IRAG2: variants seen among roughly 807,000 people sequenced by gnomAD.
The protein encoded by IRAG2 is inositol 1,4,5-triphosphate receptor associated 2, also known as lymphoid restricted membrane protein.
A neutral mutation model predicts 69.9 loss-of-function variants in IRAG2; 45 were observed. The observed-to-expected ratio is 0.64, with a 90% CI of 0.51 to 0.83. IRAG2 has a LOEUF of 0.83. Among genes scored for constraint, IRAG2 ranks in the 40% least tolerant of loss-of-function variants. IRAG2 has a pLI of 0.00. For missense variants in IRAG2, 520 were observed against 587.0 expected, an observed-to-expected ratio of 0.89 and a Z score of 1.18; for synonymous variants, 193 against 202.4, an observed-to-expected ratio of 0.95 and a Z score of 0.40.
intron 11 of IRAG2, 33 bp from the exon 12 acceptor site, chr12:25,089,581 T>G: frequency 7.2e-7 from 1 of 1,391,344 alleles, no homozygotes; most frequent in Non-Finnish European, 9.9e-7. Flanking sequence ...TCAAGCCTTT[T>G]TAACCAAATA....
intron 16 of IRAG2, among the ~76,000 whole-genome samples, chr12:25,039,597 A>AT (rs560920224): frequency 5.3e-5 from 8 of 151,972 alleles, no homozygotes; most frequent in African/African-American, 1.9e-4. Context: ...CGCCCAGCTA[A>AT]TTTTTTGTAT....
upstream of IRAG2, chr12:25,052,128 G>GGT (rs1170920173): frequency 2.5e-6 from 1 of 394,220 alleles, no homozygotes; most frequent in Non-Finnish European, 4.5e-6. Context: ...CTAAGGAAGT[G>GGT]GTGTTAAGTT....
rs189532106 is a variant in IRAG2, at chr12:25,081,936, C to T, written c.245-1487C>T. On this transcript the variant is annotated intron_variant, in intron 9 of 21. Coordinates refer to ENST00000556887, the MANE Select transcript of IRAG2 (RefSeq NM_001366544.2). The stretch of plus-strand genomic sequence containing the variant: ...CATGGGGACGGTCTTACTCTGTTGC[C>T]CAGGCTGGAGTGCAGTGTTACAATC... 4.8e-4 allele frequency among the ~76,000 whole-genome samples: 73 copies of T among 152,142 alleles called. No individual in the cohort carries two copies. In the East Asian group the frequency reaches 0.014, roughly 29 times the overall value.
Position 25,083,403 on chromosome 12 carries a change from G to C in IRAG2, c.245-20G>C. On this transcript the variant is annotated intron_variant, in intron 9 of 21. Transcript: ENST00000556887. ...GCTCCTGCCCCCCTAACTGCTTTGT[G>C]TGTTTCCTGTTTCTCACAGGCACAA... 1.9e-6 allele frequency: 3 copies of C among 1,564,874 alleles called. No individual in the cohort carries two copies. The highest frequency in any genetic ancestry group is 2.6e-6 in the Non-Finnish European group (3 of 1,135,362).
chr12:25,062,741 A>G (rs941079790), intron 2 of IRAG2, 79 bp from the exon 3 acceptor site: 45 of 398,108 alleles, frequency 1.1e-4, no homozygotes, highest in Middle Eastern at 1.3e-3. Flanking sequence ...CATATCTTCT[A>G]TTAAGTCTAA....
At chr12:25,079,613 T>A (rs766413796) in intron 8 of IRAG2, 43 bp from the exon 9 acceptor site, 2 of 1,298,820 alleles carry the variant, frequency 1.5e-6, no homozygotes, top group Non-Finnish European at 2.2e-6. Flanking sequence ...ATATATAATA[T>A]TATGTGCATA....
intron 16 of IRAG2, among the ~76,000 whole-genome samples, chr12:25,045,302 T>G (rs1311617404): frequency 1.3e-5 from 2 of 151,738 alleles, no homozygotes. Context: ...AAAAAGAAAA[T>G]AAATTTCAGA....
chr12:25,048,663 A>G (rs1319679270), upstream of IRAG2, among the ~76,000 whole-genome samples: 2 of 151,862 alleles, frequency 1.3e-5, no homozygotes, highest in East Asian at 3.9e-4. Flanking sequence ...TGGATATTAA[A>G]CCTTTGTCCA....
upstream of IRAG2, among the ~76,000 whole-genome samples, chr12:25,002,052 G>A (rs898162858): frequency 7.2e-5 from 11 of 152,104 alleles, no homozygotes; most frequent in African/African-American, 4.8e-5. Flanking sequence ...ACAGGCCATC[G>A]TGCCCGGCCT....
At chr12:25,089,908 G>T in intron 13 of IRAG2, 118 bp downstream of exon 13, 1 of 1,305,912 alleles carries the variant, frequency 7.7e-7, no homozygotes, top group South Asian at 1.2e-5. Context: ...GCTTGGCTGT[G>T]ACTCAGTGCA....
chr12:25,100,338 T>A (rs1350593042), intron 15 of IRAG2, among the ~76,000 whole-genome samples: 1 of 152,104 alleles, frequency 6.6e-6, no homozygotes, highest in African/African-American at 2.4e-5. Flanking sequence ...GTTTGGTGGA[T>A]CCTTAAAAGT....
chr12:25,103,928 A>C (rs1365135762), intron 18 of IRAG2, 29 bp downstream of exon 18: 15 of 1,607,808 alleles, frequency 9.3e-6, no homozygotes, highest in Non-Finnish European at 1.1e-5. Context: ...GTTCTTAGTC[A>C]AAGGTAAATT....
chr12:25,079,291 G>A lies in IRAG2; in HGVS notation c.71+1G>A, dbSNP rs1305234001. ...GTCCTGAGAGCCTGCTGCAGTCCAG[G>A]TTTGCTTGTTTGTGTTGTGTGTGTG... is the stretch of plus-strand genomic sequence containing the variant. On this transcript the variant is annotated splice_donor_variant, in intron 7 of 21. Coordinates refer to ENST00000556887, the MANE Select transcript of IRAG2 (RefSeq NM_001366544.2). LOFTEE classifies it high-confidence loss of function. 3 of 1,614,028 alleles carry A rather than the reference G, an allele frequency of 1.9e-6. No individual in the cohort carries two copies. The highest frequency in any genetic ancestry group is 1.7e-4 in the Middle Eastern group (1 of 6,060).
intron 4 of IRAG2, among the ~76,000 whole-genome samples, chr12:25,064,934 A>T (rs1945870974): frequency 6.6e-6 from 1 of 152,150 alleles, no homozygotes; most frequent in African/African-American, 2.4e-5. Flanking sequence ...TACTAAAAAT[A>T]CAAAAATTAG....
At chr12:25,071,645 C>T (rs1437697480) in intron 6 of IRAG2, among the ~76,000 whole-genome samples, 2 of 152,108 alleles carry the variant, frequency 1.3e-5, no homozygotes, top group Non-Finnish European at 2.9e-5. Context: ...AATAACTTGC[C>T]CATGATCACT....
chr12:25,101,531 A>C (rs1030007125), intron 16 of IRAG2, among the ~76,000 whole-genome samples: 8 of 152,230 alleles, frequency 5.3e-5, no homozygotes, highest in African/African-American at 1.9e-4. Context: ...TAATGACACC[A>C]AAAATTTATT....
intron 1 of IRAG2, among the ~76,000 whole-genome samples, chr12:25,057,121 A>T (rs1418498939): frequency 6.6e-6 from 1 of 152,168 alleles, no homozygotes; most frequent in Non-Finnish European, 1.5e-5. Context: ...CCTGTGAGGC[A>T]TTTAAAGTTG....
chr12:25,024,895 G>C (rs1944609722), intron 8 of IRAG2, among the ~76,000 whole-genome samples: 1 of 152,214 alleles, frequency 6.6e-6, no homozygotes, highest in African/African-American at 2.4e-5. Flanking sequence ...AATTGAGATA[G>C]AAGGAAGATT....
intron 4 of IRAG2, 111 bp downstream of exon 4, chr12:25,063,927 G>A (rs1945796989): frequency 2.5e-6 from 1 of 396,326 alleles, no homozygotes; most frequent in Non-Finnish European, 4.5e-6. Flanking sequence ...TTGAATACGT[G>A]TATATTTACC....
Sources: gnomAD v4.1 joint callset for allele counts (sites outside exome capture counted in the v4.1 genomes callset) on GRCh38, gnomAD v4.1.1 for gene constraint, MANE v1.5 for transcripts, NCBI Gene and HGNC (gene_info 2026-07-23, HGNC 2026-07-21) for gene names.